Variants in DOCK4 observed in about 807,000 individuals in gnomAD.
DOCK4 encodes dedicator of cytokinesis protein 4.
In DOCK4, 97 loss-of-function variants were observed where a neutral mutation model predicts 268.1. The ratio of observed to expected loss-of-function variants is 0.36; its 90% CI spans 0.31 to 0.43. The LOEUF (loss-of-function observed/expected upper bound fraction) is 0.43. DOCK4 is among the 20% of genes least tolerant of loss of function. The probability of loss-of-function intolerance (pLI) is 1.00; values close to 1 mark genes in which losing one functional copy is unlikely to be tolerated. For missense variants in DOCK4, 2,145 were observed against 2,455.7 expected (o/e 0.87, Z 2.67); for synonymous variants, 954 against 887.2 (o/e 1.08, Z -1.34).
rs1374514439 is a variant in DOCK4 at position 112,120,098 on chromosome 7, C to T, written c.37+86004G>A. On this transcript the variant is annotated intron_variant, in intron 1 of 52. Coordinates refer to ENST00000428084, the MANE Select transcript of DOCK4 (RefSeq NM_001363540.2). ...TCCTGACCTAGTGATCCGCCCGCCT[C>T]GGCCTCCCAAAGTGCTGGGATTACA... 4.6e-5 allele frequency among the ~76,000 whole-genome samples: 7 copies of T among 152,118 alleles called. No individual in the cohort carries two copies. In the East Asian group the frequency reaches 7.7e-4, roughly 17 times the overall value.
intron 1 of DOCK4, among the ~76,000 whole-genome samples, chr7:112,142,258 T>C (rs1815004244): frequency 6.6e-6 from 1 of 152,162 alleles, no homozygotes; most frequent in Admixed American, 6.5e-5. Context: ...TGGCAGAGTA[T>C]AGGGCCACAG....
chr7:112,107,732 A>G (rs933064069), intron 1 of DOCK4, among the ~76,000 whole-genome samples: 1 of 152,224 alleles, frequency 6.6e-6, no homozygotes. Flanking sequence ...AGAATTCTGA[A>G]GAGTGAAGGT....
At chr7:112,167,070 C>G (rs1817669745) in intron 1 of DOCK4, among the ~76,000 whole-genome samples, 1 of 152,198 alleles carries the variant, frequency 6.6e-6, no homozygotes, top group African/African-American at 2.4e-5. Flanking sequence ...CAACAGTTCT[C>G]AACTACAAAA....
At chr7:111,786,757 G>A (rs778434463) in intron 32 of DOCK4, among the ~76,000 whole-genome samples, 4 of 152,128 alleles carry the variant, frequency 2.6e-5, no homozygotes, top group African/African-American at 7.2e-5. Context: ...TGTGTGCAGT[G>A]ACCCATTGTG....
At chr7:112,167,918 A>G (rs1229336853) in intron 1 of DOCK4, among the ~76,000 whole-genome samples, 6 of 152,164 alleles carry the variant, frequency 3.9e-5, no homozygotes, top group African/African-American at 1.4e-4. Context: ...CCTCTAAATA[A>G]CAATTGTCTA....
chr7:112,065,168 C>A (rs1290730390), intron 1 of DOCK4, among the ~76,000 whole-genome samples: 1 of 152,200 alleles, frequency 6.6e-6, no homozygotes, highest in Non-Finnish European at 1.5e-5. Context: ...ATTAAAACAA[C>A]TTCGAACATC....
chr7:112,072,750 G>A (rs1213225092), intron 1 of DOCK4, among the ~76,000 whole-genome samples: 3 of 152,216 alleles, frequency 2.0e-5, no homozygotes, highest in Non-Finnish European at 4.4e-5. Context: ...CCTGAAACTG[G>A]TGATCAGCAG....
chr7:112,159,624 C>G (rs1433153815), intron 1 of DOCK4, among the ~76,000 whole-genome samples: 1 of 152,022 alleles, frequency 6.6e-6, no homozygotes, highest in African/African-American at 2.4e-5. Context: ...CCGTCCAAGT[C>G]TTATCCATCT....
chr7:111,918,299 C>A (rs919288813), intron 12 of DOCK4, among the ~76,000 whole-genome samples: 1 of 152,198 alleles, frequency 6.6e-6, no homozygotes, highest in Non-Finnish European at 1.5e-5. Context: ...GGCACATCCT[C>A]AGAACTTCAA....
chr7:112,133,004 A>G (rs777873767), intron 1 of DOCK4, among the ~76,000 whole-genome samples: 4 of 152,226 alleles, frequency 2.6e-5, no homozygotes, highest in Non-Finnish European at 5.9e-5. Context: ...CTTAAAATTT[A>G]GAATCTCAAA....
intron 23 of DOCK4, among the ~76,000 whole-genome samples, chr7:111,859,606 C>T (rs996125756): frequency 1.1e-4 from 15 of 130,798 alleles, no homozygotes; most frequent in African/African-American, 2.3e-4. Flanking sequence ...CTCGCTCTGT[C>T]GCCCAGGCTG....
In DOCK4 at chr7:111,728,299, AGGGGCCTGGGCCGCGGGCC is replaced by A; in HGVS notation, c.5884_5902del (p.Gly1962CysfsTer35). ...TTATAACTGAGAGACCTTGCGGGGC[AGGGGCCTGGGCCGCGGGCC>A]GGGGTCAGTCCTCCGGGCCCCATTC... is the stretch of plus-strand genomic sequence containing the variant. On this transcript the variant is annotated frameshift_variant, in exon 53 of 53. Coordinates refer to ENST00000428084, the MANE Select transcript of DOCK4 (RefSeq NM_001363540.2). LOFTEE classifies it high-confidence loss of function. 1 of 1,504,082 alleles carries A rather than the reference AGGGGCCTGGGCCGCGGGCC, an allele frequency of 6.6e-7. No homozygotes were observed. The highest frequency in any genetic ancestry group is 8.9e-7 in the Non-Finnish European group (1 of 1,126,940). 93.2% of individuals were successfully genotyped at this position (1,504,082 alleles called of 1,614,324 possible). A position where few individuals can be genotyped will look rare whatever the true frequency, so the allele number is the denominator to read the frequency against.
intron 1 of DOCK4, among the ~76,000 whole-genome samples, chr7:112,021,781 T>G (rs2522217): frequency 0.22 from 34,070 of 152,042 alleles, 4,366 homozygotes; most frequent in East Asian, 0.52. Context: ...CAAACACAAC[T>G]ATACACAAAA....
chr7:111,806,001 T>C (rs770257258), intron 30 of DOCK4, among the ~76,000 whole-genome samples: 9 of 152,212 alleles, frequency 5.9e-5, no homozygotes, highest in East Asian at 3.8e-4. Flanking sequence ...TCAAACTAAA[T>C]TGGACAAAAT....
rs1254885722 is a variant in DOCK4 at position 111,747,300 on chromosome 7, A to G, written c.4560T>C (p.Ala1520=). The G allele has an allele frequency of 4.3e-6, 7 of 1,613,492 alleles. No individual in the cohort carries two copies. The highest frequency in any genetic ancestry group is 5.9e-6 in the Non-Finnish European group (7 of 1,179,748). The change falls in exon 43 of 53, where the codon GCT becomes GCC. Residue 1520 remains alanine, a synonymous_variant. Coordinates refer to ENST00000428084, the MANE Select transcript of DOCK4 (RefSeq NM_001363540.2). ...LTMCLNGVID[A]AVNGGVSRYQ... is the part of the protein sequence containing the mutation. ...ACCTGGAAACGCCACCATTAACTGC[A>G]GCATCTATAACTCCATTCAGGCACA...
intron 30 of DOCK4, among the ~76,000 whole-genome samples, chr7:111,799,695 C>T (rs1275425059): frequency 6.6e-6 from 1 of 152,150 alleles, no homozygotes; most frequent in Non-Finnish European, 1.5e-5. Context: ...ATCTTAATCC[C>T]ACTCCTACCT....
intron 3 of DOCK4, among the ~76,000 whole-genome samples, chr7:111,999,333 T>C (rs949322866): frequency 2.6e-5 from 4 of 152,236 alleles, no homozygotes; most frequent in Non-Finnish European, 5.9e-5. Flanking sequence ...ATTCTTTCCA[T>C]TCAATAGTAG....
chr7:111,863,007 A>G, intron 23 of DOCK4: 1 of 230,048 alleles, frequency 4.3e-6, no homozygotes, highest in Non-Finnish European at 8.7e-6. Flanking sequence ...GGGGTAAAGT[A>G]AAAAACAACA....
chr7:111,845,507 T>C (rs1804029751), intron 24 of DOCK4, among the ~76,000 whole-genome samples: 2 of 152,154 alleles, frequency 1.3e-5, no homozygotes, highest in Non-Finnish European at 2.9e-5. Flanking sequence ...CCCCAGGACT[T>C]GCAAGAGAAA....
Sources: allele counts gnomAD v4.1 joint callset (sites outside exome capture counted in the v4.1 genomes callset), GRCh38; gene constraint gnomAD v4.1.1; transcripts MANE v1.5; gene names NCBI Gene and HGNC (gene_info 2026-07-23, HGNC 2026-07-21).